The following CRTAP variants were observed in gnomAD, a reference collection of about 807,000 sequenced individuals.
CRTAP encodes cartilage-associated protein.
CRTAP carries 33 observed loss-of-function variants against 42.7 expected under a neutral mutation model. That is an observed-to-expected ratio of 0.77 (90% CI 0.59 to 1.03). The LOEUF is 1.03. Ranked by LOEUF, CRTAP falls within the 50% of genes least tolerant of loss-of-function variation. The pLI, the probability that CRTAP is intolerant of heterozygous loss-of-function variation, is 0.00. For missense variants in CRTAP, 613 were observed against 533.9 expected (o/e 1.15, Z -1.46); for synonymous variants, 243 against 217.7 (o/e 1.12, Z -1.02).
Position 33,145,401 on chromosome 3 carries a change from T to C in CRTAP, c.*2953T>C, listed in dbSNP as rs2030694406. The C allele has an allele frequency of 6.6e-6, 1 of 152,398 alleles. No individual in the cohort carries two copies. Among genetic ancestry groups the C allele is most frequent in the Admixed American group, 6.5e-5 (1 of 15,286 alleles). The allele number at this position is 152,398 out of a possible 1,614,324, so 9.4% of individuals were successfully genotyped here. A position where few individuals can be genotyped will look rare whatever the true frequency, so the allele number is the denominator to read the frequency against. On this transcript the variant is annotated 3_prime_UTR_variant, in exon 7 of 7. Transcript: ENST00000320954. This position sits in a 1 kb window ranked among gnomAD's most constrained non-coding sequence, Gnocchi z 4.3. The stretch of plus-strand genomic sequence containing the variant: ...CCACAGCAGCCCCCAATCCCAGCGA[T>C]GCGTCAGATCTTACGTGGCTTCCTG...
chr3:33,135,559 T>C (rs976646632), intron 6 of CRTAP, among the ~76,000 whole-genome samples: 3 of 151,560 alleles, frequency 2.0e-5, no homozygotes, highest in Admixed American at 6.6e-5. Context: ...GAGGCTGATA[T>C]TGCGCCATTG....
chr3:33,134,262 T>C lies in CRTAP; in HGVS notation c.1149T>C (p.Asp383=). The change falls in exon 6 of 7, where the codon GAT becomes GAC. Residue 383 remains aspartate, a synonymous_variant. Coordinates refer to ENST00000320954, the MANE Select transcript of CRTAP (RefSeq NM_006371.5). ...DFAKENIMDD[D]EGEVVEYVDD... The stretch of plus-strand genomic sequence containing the variant: ...CTAAGGAAAATATAATGGATGATGA[T>C]GAGGTAAGTTTTCATGCTTAGCACA... The C allele has an allele frequency of 6.3e-7, 1 of 1,593,504 alleles. No individual in the cohort carries two copies. Among genetic ancestry groups the C allele is most frequent in the Non-Finnish European group, 8.6e-7 (1 of 1,161,126 alleles).
At chr3:33,140,871 C>G (rs2030551626) in intron 6 of CRTAP, among the ~76,000 whole-genome samples, 1 of 152,200 alleles carries the variant, frequency 6.6e-6, no homozygotes, top group South Asian at 2.1e-4. Flanking sequence ...TTCGCCTGCT[C>G]CCATGGGGGA....
chr3:33,115,853 C>T (rs961144657), intron 1 of CRTAP, among the ~76,000 whole-genome samples: 2 of 150,784 alleles, frequency 1.3e-5, no homozygotes, highest in Non-Finnish European at 2.9e-5. Context: ...AGCTGGGTTA[C>T]TTCTATACTT....
chr3:33,133,068 T>C (rs944032143), intron 5 of CRTAP, among the ~76,000 whole-genome samples: 4 of 152,198 alleles, frequency 2.6e-5, no homozygotes, highest in African/African-American at 9.6e-5. Context: ...AAGTCATTTT[T>C]TTCTGTAGTT....
intron 4 of CRTAP, 78 bp from the exon 5 acceptor site, chr3:33,132,477 G>A (rs2030294252): frequency 6.3e-7 from 1 of 1,590,250 alleles, no homozygotes; most frequent in Non-Finnish European, 8.6e-7. Context: ...TGTTCATATG[G>A]CCTTTTTGTT....
intron 4 of CRTAP, among the ~76,000 whole-genome samples, chr3:33,130,525 C>CTTTTTTTTTTTTTTTTTTTTT (rs765558103): frequency 7.2e-5 from 4 of 55,226 alleles, no homozygotes; most frequent in Non-Finnish European, 6.2e-5. Flanking sequence ...CTTTTCTTTT[C>CTTTTTTTTTTTTTTTTTTTTT]TTTTTTTTTT....
intron 3 of CRTAP, among the ~76,000 whole-genome samples, chr3:33,129,539 T>TC (rs1363738878): frequency 1.4e-5 from 2 of 144,352 alleles, no homozygotes; most frequent in Non-Finnish European, 3.1e-5. Context: ...CTTTTTCTTT[T>TC]TTTTTTTTTT....
chr3:33,129,176 A>G (rs1575517649), intron 3 of CRTAP, among the ~76,000 whole-genome samples: 2 of 152,300 alleles, frequency 1.3e-5, no homozygotes, highest in South Asian at 4.1e-4. Context: ...GTTGGAAAAT[A>G]TGTGTATTTT....
At chr3:33,131,448 G>A (rs1383420449) in intron 4 of CRTAP, among the ~76,000 whole-genome samples, 1 of 152,212 alleles carries the variant, frequency 6.6e-6, no homozygotes, top group Non-Finnish European at 1.5e-5. Flanking sequence ...GAATTTAGAA[G>A]TGTTCTGGAT....
In CRTAP at chr3:33,142,412, T is replaced by C. The variant is rs1196351197; in HGVS notation, c.1170T>C (p.Tyr390=). 1.2e-6 allele frequency: 2 copies of C among 1,614,030 alleles called. No homozygotes were observed. Among genetic ancestry groups the C allele is most frequent in the Non-Finnish European group, 1.7e-6 (2 of 1,179,980 alleles). The change falls in exon 7 of 7, where the codon TAT becomes TAC. Residue 390 remains tyrosine (Y), a synonymous_variant. Coordinates refer to ENST00000320954, the MANE Select transcript of CRTAP (RefSeq NM_006371.5). ...MDDDEGEVVE[Y]VDDLLELEET... ...TCTTACAGGGAGAAGTTGTGGAATATGTGGATGACCTCTTGGAACTGGAGG... is the reference window on the plus strand; with the variant it reads ...TCTTACAGGGAGAAGTTGTGGAATACGTGGATGACCTCTTGGAACTGGAGG...
rs1447689197 is a variant in CRTAP at position 33,146,914 on chromosome 3, T to TA, written c.*4469dup. 2 of 152,522 alleles carry TA rather than the reference T, an allele frequency of 1.3e-5. No individual in the cohort carries two copies. The highest frequency in any genetic ancestry group is 2.4e-5 in the African/African-American group (1 of 41,380). The allele number at this position is 152,522 out of a possible 1,614,324, so 9.4% of individuals were successfully genotyped here. A position where few individuals can be genotyped will look rare whatever the true frequency, so the allele number is the denominator to read the frequency against. On this transcript the variant is annotated 3_prime_UTR_variant, in exon 7 of 7. Transcript: ENST00000320954. Reference sequence around the variant, plus strand: ...AGTTAAAAAAAAAAAAATCAATACTTAAACTGTAGGGAAAAGGTGGATTGG... The same window carrying TA: ...AGTTAAAAAAAAAAAAATCAATACTTAAAACTGTAGGGAAAAGGTGGATTGG...
chr3:33,136,124 G>T (rs2030413364), intron 6 of CRTAP, among the ~76,000 whole-genome samples: 1 of 152,170 alleles, frequency 6.6e-6, no homozygotes, highest in Non-Finnish European at 1.5e-5. Context: ...GCCTGTTGTG[G>T]ACATTTCATA....
rs953400115 is a variant in CRTAP, at chr3:33,114,608, C to T, written c.471+60C>T. The T allele has an allele frequency of 2.0e-6, 3 of 1,493,866 alleles. No individual in the cohort carries two copies. In the African/African-American group the frequency reaches 4.2e-5, roughly 21 times the overall value. The allele number at this position is 1,493,866 out of a possible 1,614,324, so 92.5% of individuals were successfully genotyped here. Reference sequence around the variant, plus strand: ...CCGCCCCTGACCCAGCCTCCAGGCCCTAGCCCCGCCCCTGCGCCCGGGGCC... The same window carrying T: ...CCGCCCCTGACCCAGCCTCCAGGCCTTAGCCCCGCCCCTGCGCCCGGGGCC... On this transcript the variant is annotated intron_variant, in intron 1 of 6. Transcript: ENST00000320954.
intron 2 of CRTAP, 91 bp from the exon 3 acceptor site, chr3:33,124,317 C>A: frequency 1.4e-6 from 2 of 1,480,514 alleles, no homozygotes; most frequent in African/African-American, 1.4e-5. Flanking sequence ...TGAGAGCTAG[C>A]TTGGTGGTGG....
Position 33,114,469 on chromosome 3 carries a change from A to G in CRTAP, c.392A>G (p.Gln131Arg), listed in dbSNP as rs931952062. The G allele has an allele frequency of 6.3e-7, 1 of 1,597,122 alleles. No individual in the cohort carries two copies. Among genetic ancestry groups the G allele is most frequent in the African/African-American group, 1.3e-5 (1 of 74,670 alleles). Residue 131 changes from glutamine (Q) to arginine (R), a missense_variant, in exon 1 of 7, where the codon CAG (glutamine) becomes CGG (arginine). Physicochemically the swap from Gln to Arg is conservative, Grantham distance 43. Coordinates refer to ENST00000320954, the MANE Select transcript of CRTAP (RefSeq NM_006371.5). Reference protein sequence around the residue: ...RCKQGLPAFRQSQPSREVLAD... With the variant: ...RCKQGLPAFRRSQPSREVLAD... Reference sequence around the variant, plus strand: ...AAGCAGGGCCTGCCAGCCTTCCGCCAGTCCCAGCCCAGCCGCGAGGTGCTG... The same window carrying G: ...AAGCAGGGCCTGCCAGCCTTCCGCCGGTCCCAGCCCAGCCGCGAGGTGCTG...
At chr3:33,116,728 G>C (rs966493681) in intron 1 of CRTAP, among the ~76,000 whole-genome samples, 3 of 152,146 alleles carry the variant, frequency 2.0e-5, no homozygotes, top group Admixed American at 1.3e-4. Context: ...ATTAATAAAC[G>C]TGAATGTTAC....
rs538092114 is a variant in CRTAP, at chr3:33,126,124, T to C, written c.793+1545T>C. Among the ~76,000 whole-genome samples the C allele has an allele frequency of 1.7e-4, 26 of 152,326 alleles. No individual in the cohort carries two copies. In the South Asian group the frequency reaches 5.2e-3, roughly 30 times the overall value. On this transcript the variant is annotated intron_variant, in intron 3 of 6. Transcript: ENST00000320954. Reference sequence around the variant, plus strand: ...AAACTCTGTATGCGATAACTCCCCATATCCCCTTCCCCCCAGCCACTGGCA... The same window carrying C: ...AAACTCTGTATGCGATAACTCCCCACATCCCCTTCCCCCCAGCCACTGGCA...
rs1701306755 is a variant in CRTAP at position 33,114,093 on chromosome 3, C to A, written c.16C>A (p.Arg6=). ...GCCGGGCGCGATGGAGCCGGGGCGC[C>A]GGGGGGCCGCGGCGCTGCTAGCGCT... The part of the protein sequence containing the change: MEPGR[R]GAAALLALLC... The change falls in exon 1 of 7, where the codon CGG becomes AGG. Residue 6 remains arginine (R), a synonymous_variant. Coordinates refer to ENST00000320954, the MANE Select transcript of CRTAP (RefSeq NM_006371.5). 1 of 1,462,934 alleles carries A rather than the reference C, an allele frequency of 6.8e-7. No homozygotes were observed. The highest frequency in any genetic ancestry group is 2.6e-5 in the Admixed American group (1 of 38,794). 90.6% of individuals were successfully genotyped at this position (1,462,934 alleles called of 1,614,324 possible).
Sources: allele counts gnomAD v4.1 joint callset (sites outside exome capture counted in the v4.1 genomes callset), GRCh38; gene constraint gnomAD v4.1.1; non-coding constraint Gnocchi (gnomAD v3.1); transcripts MANE v1.5; gene names NCBI Gene and HGNC (gene_info 2026-07-23, HGNC 2026-07-21).